Variants in BUB1B observed in about 807,000 individuals in gnomAD.
The protein encoded by BUB1B is BUB1 mitotic checkpoint serine/threonine kinase B.
A neutral mutation model predicts 137.7 loss-of-function variants in BUB1B; 86 were observed. That is an observed-to-expected ratio of 0.62 (90% CI 0.52 to 0.75). The LOEUF (loss-of-function observed/expected upper bound fraction) is 0.75. Ranked by LOEUF, BUB1B falls within the 30% of genes least tolerant of loss-of-function variation. BUB1B has a pLI of 0.00. For missense variants in BUB1B, 1,130 were observed against 1,236.9 expected, an observed-to-expected ratio of 0.91 and a Z score of 1.30; for synonymous variants, 420 against 417.9, an observed-to-expected ratio of 1.00 and a Z score of -0.06.
intron 8 of BUB1B, among the ~76,000 whole-genome samples, chr15:40,189,360 A>G (rs1303206022): frequency 1.3e-5 from 2 of 152,064 alleles, no homozygotes; most frequent in African/African-American, 4.8e-5. Context: ...GGCTTTCACC[A>G]CGTTGGCCAG....
chr15:40,184,113 T>A (rs946085283), intron 6 of BUB1B, among the ~76,000 whole-genome samples: 2 of 152,156 alleles, frequency 1.3e-5, no homozygotes, highest in Non-Finnish European at 2.9e-5. Context: ...GCATCAAGAT[T>A]TTCTGAGTTT....
intron 5 of BUB1B, among the ~76,000 whole-genome samples, chr15:40,179,060 T>C (rs2037253938): frequency 6.6e-6 from 1 of 152,180 alleles, no homozygotes; most frequent in Non-Finnish European, 1.5e-5. Context: ...TTTTTGTCTC[T>C]ATGGATTTGC....
rs151078095 is a variant in BUB1B at position 40,195,054 on chromosome 15, G to A, written c.1059-1491G>A. On this transcript the variant is annotated intron_variant, in intron 8 of 22. Transcript: ENST00000287598. ...TGGTTACACAAATAAGTTACTTAGC[G>A]GTTATTTCTGAAATTTTGGTGCACC... is the stretch of plus-strand genomic sequence containing the variant. Among the ~76,000 whole-genome samples the A allele has an allele frequency of 2.7e-3, 405 of 152,144 alleles. 8 individuals carry two copies. The highest frequency in any genetic ancestry group is 0.021 in the Admixed American group (318 of 15,284).
At chr15:40,207,305 A>G (rs957220987) in intron 15 of BUB1B, among the ~76,000 whole-genome samples, 5 of 152,180 alleles carry the variant, frequency 3.3e-5, no homozygotes, top group African/African-American at 1.2e-4. Context: ...TTTTGCTTTT[A>G]AAGCTACATT....
At chr15:40,166,542 G>A (rs553721805) in intron 2 of BUB1B, 7 of 270,036 alleles carry the variant, frequency 2.6e-5, no homozygotes, top group South Asian at 1.3e-4. Flanking sequence ...GGGTTTCACC[G>A]TGTTAGCCAG....
rs756941170 is a variant in BUB1B at position 40,170,042 on chromosome 15, T to A, written c.180-20T>A. 1.2e-6 allele frequency: 2 copies of A among 1,606,432 alleles called. No homozygotes were observed. The highest frequency in any genetic ancestry group is 1.7e-6 in the Non-Finnish European group (2 of 1,172,982). On this transcript the variant is annotated intron_variant, in intron 2 of 22. Coordinates refer to ENST00000287598, the MANE Select transcript of BUB1B (RefSeq NM_001211.6). ...TGTTGTCACTATTGCATATGCTAAC[T>A]TTTTCTGTTTACATTTCAGGGCATT...
chr15:40,188,892 T>C (rs2037402936), intron 8 of BUB1B, among the ~76,000 whole-genome samples: 1 of 152,054 alleles, frequency 6.6e-6, no homozygotes, highest in Non-Finnish European at 1.5e-5. Context: ...TTTAAAGCTT[T>C]TTTTTCTTTT....
intron 8 of BUB1B, among the ~76,000 whole-genome samples, chr15:40,186,300 C>T (rs1039035722): frequency 5.3e-5 from 8 of 152,008 alleles, no homozygotes; most frequent in Admixed American, 1.3e-4. Context: ...CCTGCTTTTT[C>T]CTTCTGGACA....
chr15:40,217,431 G>T, intron 20 of BUB1B, 65 bp from the exon 21 acceptor site: 1 of 1,524,588 alleles, frequency 6.6e-7, no homozygotes, highest in Non-Finnish European at 9.1e-7. Flanking sequence ...TTTTTTTAAA[G>T]ACCAGCTATG....
chr15:40,206,109 A>G (rs537989753), intron 14 of BUB1B, 75 bp from the exon 15 acceptor site: 82 of 1,459,520 alleles, frequency 5.6e-5, no homozygotes, highest in Admixed American at 1.0e-4. Flanking sequence ...CACTGAGCTA[A>G]TATGTCTCTC....
intron 14 of BUB1B, 63 bp downstream of exon 14, chr15:40,202,757 A>G (rs1351194988): frequency 8.6e-6 from 12 of 1,389,874 alleles, no homozygotes; most frequent in African/African-American, 1.4e-5. Flanking sequence ...CAAAACCACA[A>G]AAGCTTAAGG....
intron 5 of BUB1B, among the ~76,000 whole-genome samples, chr15:40,178,125 CTCT>C (rs2037243519): frequency 6.6e-6 from 1 of 150,546 alleles, no homozygotes; most frequent in African/African-American, 2.4e-5. Flanking sequence ...ATATAACTTG[CTCT>C]TCTTTTTGTA....
intron 15 of BUB1B, among the ~76,000 whole-genome samples, chr15:40,207,153 A>T (rs80232689): frequency 0.081 from 12,280 of 152,176 alleles, 1,631 homozygotes; most frequent in African/African-American, 0.28. Flanking sequence ...TGTGTTTTTT[A>T]AAAAACTATC....
At chr15:40,167,611 G>A (rs926915274) in intron 2 of BUB1B, among the ~76,000 whole-genome samples, 1 of 152,130 alleles carries the variant, frequency 6.6e-6, no homozygotes, top group African/African-American at 2.4e-5. Flanking sequence ...AGAGTGCTGG[G>A]ATTACGGGCA....
Position 40,165,052 on chromosome 15 carries a change from G to A in BUB1B, c.36-1G>A. 6.2e-7 allele frequency: 1 copy of A among 1,614,094 alleles called. No individual in the cohort carries two copies. ...ATTTACATTTGTTTCCTTCTTCACA[G>A]TGAAGCCATGTCCCTGGAGGGAGAT... On this transcript the variant is annotated splice_acceptor_variant, in intron 1 of 22. Transcript: ENST00000287598. LOFTEE classifies it high-confidence loss of function.
At chr15:40,167,587 C>T (rs1425606773) in intron 2 of BUB1B, among the ~76,000 whole-genome samples, 16 of 152,014 alleles carry the variant, frequency 1.1e-4, no homozygotes, top group African/African-American at 3.6e-4. Flanking sequence ...GTGATCCGCC[C>T]GCCTCGGCCT....
rs79901868 is a variant in BUB1B, at chr15:40,193,893, T to TA, written c.1059-2635dup. The stretch of plus-strand genomic sequence containing the variant: ...TGGGTGACAAGAGCAAGATTCTGTC[T>TA]AAAAAAAAAAAAAAAAACAGGGTCT... On this transcript the variant is annotated intron_variant, in intron 8 of 22. Coordinates refer to ENST00000287598, the MANE Select transcript of BUB1B (RefSeq NM_001211.6). Among the ~76,000 whole-genome samples, 712 of 122,646 alleles carry TA rather than the reference T, an allele frequency of 5.8e-3. 3 individuals carry two copies. The highest frequency in any genetic ancestry group is 0.012 in the Middle Eastern group (3 of 244). The allele number at this position is 122,646 out of a possible 152,430, so 80.5% of individuals were successfully genotyped here. A position where few individuals can be genotyped will look rare whatever the true frequency, so the allele number is the denominator to read the frequency against.
intron 8 of BUB1B, among the ~76,000 whole-genome samples, chr15:40,193,265 A>T (rs950493876): frequency 3.9e-5 from 6 of 152,134 alleles, no homozygotes; most frequent in African/African-American, 1.4e-4. Flanking sequence ...ACTGTTTTGC[A>T]TTCCTACCAC....
intron 1 of BUB1B, among the ~76,000 whole-genome samples, 200 bp downstream of exon 1, chr15:40,161,455 G>T (rs1345115810): frequency 6.6e-6 from 1 of 152,162 alleles, no homozygotes; most frequent in Non-Finnish European, 1.5e-5. Context: ...GAATCCTGCC[G>T]CATCCAGCTT....
Sources: allele counts gnomAD v4.1 joint callset (sites outside exome capture counted in the v4.1 genomes callset), GRCh38; gene constraint gnomAD v4.1.1; transcripts MANE v1.5; gene names NCBI Gene and HGNC (gene_info 2026-07-23, HGNC 2026-07-21).